ROBO1: variants seen among roughly 807,000 people sequenced by gnomAD.
ROBO1 encodes the protein roundabout homolog 1.
In ROBO1, 149 loss-of-function variants were observed where a neutral mutation model predicts 195.9. The observed-to-expected ratio is 0.76, with a 90% CI of 0.67 to 0.87. The LOEUF (loss-of-function observed/expected upper bound fraction) is 0.87. Ranked by LOEUF, ROBO1 falls within the 40% of genes least tolerant of loss-of-function variation. The pLI is 0.00. For missense variants in ROBO1, 1,933 were observed against 2,068.3 expected (o/e 0.93, Z 1.27); for synonymous variants, 816 against 733.2 (o/e 1.11, Z -1.82).
chr3:78,778,952 C>A (rs778143530), intron 4 of ROBO1, among the ~76,000 whole-genome samples: 5 of 152,044 alleles, frequency 3.3e-5, no homozygotes, highest in Admixed American at 1.3e-4. Context: ...AATAACGCCA[C>A]GCATCTACGA....
At chr3:79,323,547 A>G (rs1488874746) in intron 2 of ROBO1, among the ~76,000 whole-genome samples, 1 of 152,156 alleles carries the variant, frequency 6.6e-6, no homozygotes, top group Non-Finnish European at 1.5e-5. Context: ...TACTAATTAT[A>G]TCATCAATTC....
intron 4 of ROBO1, among the ~76,000 whole-genome samples, chr3:78,762,545 A>G (rs950688458): frequency 6.6e-6 from 1 of 152,022 alleles, no homozygotes; most frequent in African/African-American, 2.4e-5. Context: ...TAATTTCACT[A>G]AACAGACGAT....
chr3:78,750,321 C>T (rs56077922), intron 4 of ROBO1, among the ~76,000 whole-genome samples: 32,116 of 151,296 alleles, frequency 0.21, 3,515 homozygotes, highest in East Asian at 0.23. Flanking sequence ...GGCTTGGTGG[C>T]GGGCACCTGT....
chr3:79,557,958 T>C (rs1942773368), intron 2 of ROBO1, among the ~76,000 whole-genome samples: 1 of 151,962 alleles, frequency 6.6e-6, no homozygotes, highest in Admixed American at 6.6e-5. Flanking sequence ...TTAACAGACA[T>C]TGAGTGCTTC....
rs1301063267 is a variant in ROBO1 at position 78,600,118 on chromosome 3, A to ATTC, written c.4933_4935dup (p.Glu1645dup). ...TGGGGAAAAATTATAGATACCTCTA[A>ATTC]TTCTTCATTATTATCTTCTCCTCTT... On this transcript the variant is annotated inframe_insertion, in exon 30 of 31. Transcript: ENST00000464233. The ATTC allele has an allele frequency of 6.8e-6, 11 of 1,611,540 alleles. No homozygotes were observed. The highest frequency in any genetic ancestry group is 9.3e-6 in the Non-Finnish European group (11 of 1,178,192).
intron 3 of ROBO1, among the ~76,000 whole-genome samples, chr3:79,025,422 G>A (rs1227657279): frequency 6.6e-6 from 1 of 151,954 alleles, no homozygotes; most frequent in Non-Finnish European, 1.5e-5. Flanking sequence ...CTTTTAGAAT[G>A]AGGCCAGGGA....
intron 4 of ROBO1, among the ~76,000 whole-genome samples, chr3:78,846,968 T>C (rs2106814320): frequency 6.6e-6 from 1 of 152,230 alleles, no homozygotes; most frequent in Middle Eastern, 3.4e-3. Flanking sequence ...ACACAGCTGC[T>C]ACAGCTGGCC....
At chr3:78,632,695 A>G (rs1705254082) in intron 24 of ROBO1, among the ~76,000 whole-genome samples, 1 of 152,196 alleles carries the variant, frequency 6.6e-6, no homozygotes, top group Admixed American at 6.5e-5. Flanking sequence ...AGATCTAGGT[A>G]TCTAAGCTGA....
Position 78,728,884 on chromosome 3 carries a change from C to T in ROBO1, c.658-11001G>A, listed in dbSNP as rs758359199. The stretch of plus-strand genomic sequence containing the variant: ...ACATACACACAAGAGAACATGATCC[C>T]GTTTCATTTGTTTCCTGGTACACTT... On this transcript the variant is annotated intron_variant, in intron 5 of 30. Coordinates refer to ENST00000464233, the MANE Select transcript of ROBO1 (RefSeq NM_002941.4). Among the ~76,000 whole-genome samples, 4 of 152,296 alleles carry T rather than the reference C, an allele frequency of 2.6e-5. No individual in the cohort carries two copies. The South Asian group carries it at 6.2e-4, about 24-fold the overall frequency.
chr3:79,329,992 G>A (rs926039904), intron 2 of ROBO1, among the ~76,000 whole-genome samples: 1 of 151,908 alleles, frequency 6.6e-6, no homozygotes, highest in Admixed American at 6.6e-5. Context: ...AAAAACAATT[G>A]AGCCACATTT....
chr3:79,133,461 T>C lies in ROBO1; in HGVS notation c.89-7922A>G, dbSNP rs1486737689. On this transcript the variant is annotated intron_variant, in intron 2 of 30. Transcript: ENST00000464233. ...ATCTTCCATTGCTGATACCCTTTCT[T>C]CCAGTTGATCGCATCGGCTCCTGAG... Among the ~76,000 whole-genome samples the C allele has an allele frequency of 1.6e-3, 187 of 118,798 alleles. 3 individuals are homozygous for C. Among genetic ancestry groups the C allele is most frequent in the Middle Eastern group, 4.4e-3 (1 of 226 alleles). The allele number at this position is 118,798 out of a possible 152,430, so 77.9% of individuals were successfully genotyped here. A position where few individuals can be genotyped will look rare whatever the true frequency, so the allele number is the denominator to read the frequency against.
chr3:79,616,526 A>G (rs1431878621), intron 1 of ROBO1, among the ~76,000 whole-genome samples: 1 of 152,032 alleles, frequency 6.6e-6, no homozygotes, highest in Non-Finnish European at 1.5e-5. Context: ...GACATAGGAA[A>G]CCAGATAACA....
chr3:79,064,810 A>G lies in ROBO1; in HGVS notation c.172+60646T>C, dbSNP rs1037073681. Among the ~76,000 whole-genome samples the G allele has an allele frequency of 2.7e-4, 41 of 151,902 alleles. 1 individual carries two copies. Among genetic ancestry groups the G allele is most frequent in the African/African-American group, 9.7e-4 (40 of 41,396 alleles). Reference sequence around the variant, plus strand: ...TCATTTCCTGATACTCATCCTTTCTAATACTCAAATACTCACTCCACCACA... The same window carrying G: ...TCATTTCCTGATACTCATCCTTTCTGATACTCAAATACTCACTCCACCACA... On this transcript the variant is annotated intron_variant, in intron 3 of 30. Coordinates refer to ENST00000464233, the MANE Select transcript of ROBO1 (RefSeq NM_002941.4).
At chr3:79,281,454 G>C (rs2031501533) in intron 2 of ROBO1, among the ~76,000 whole-genome samples, 2 of 151,974 alleles carry the variant, frequency 1.3e-5, no homozygotes, top group African/African-American at 4.8e-5. Context: ...CAAATTAGGA[G>C]AAATTTATAA....
At chr3:79,295,670 T>C (rs887140575) in intron 2 of ROBO1, among the ~76,000 whole-genome samples, 4 of 151,938 alleles carry the variant, frequency 2.6e-5, no homozygotes, top group African/African-American at 4.9e-5. Context: ...AATCAACGAA[T>C]AGTCCATACC....
chr3:78,644,140 C>T (rs1280666125), intron 21 of ROBO1, among the ~76,000 whole-genome samples: 1 of 152,072 alleles, frequency 6.6e-6, no homozygotes, highest in African/African-American at 2.4e-5. Flanking sequence ...GACACACATA[C>T]ACACACAATG....
At chr3:79,662,613 A>T (rs1946361718) in intron 1 of ROBO1, among the ~76,000 whole-genome samples, 5 of 152,166 alleles carry the variant, frequency 3.3e-5, no homozygotes, top group African/African-American at 1.2e-4. Flanking sequence ...GCATTACAGG[A>T]TCAAAAACTT....
intron 10 of ROBO1, among the ~76,000 whole-genome samples, chr3:78,682,857 C>T (rs918640463): frequency 2.6e-5 from 4 of 151,264 alleles, no homozygotes; most frequent in Non-Finnish European, 4.4e-5. Context: ...TGTCCAGCAA[C>T]TTTGCTAAAT....
intron 2 of ROBO1, among the ~76,000 whole-genome samples, chr3:79,223,876 A>G (rs2082183118): frequency 6.6e-6 from 1 of 152,206 alleles, no homozygotes; most frequent in East Asian, 1.9e-4. Flanking sequence ...TGTCTAGTTA[A>G]AGGAACATTT....
Sources: allele counts gnomAD v4.1 joint callset (sites outside exome capture counted in the v4.1 genomes callset), GRCh38; gene constraint gnomAD v4.1.1; transcripts MANE v1.5; gene names NCBI Gene and HGNC (gene_info 2026-07-23, HGNC 2026-07-21).